The following RAD51B variants were observed in gnomAD, a reference collection of about 807,000 sequenced individuals.
RAD51B encodes DNA repair protein RAD51 homolog 2.
A neutral mutation model predicts 42.2 loss-of-function variants in RAD51B; 38 were observed. The observed-to-expected ratio is 0.90, with a 90% CI of 0.70 to 1.18. The LOEUF (loss-of-function observed/expected upper bound fraction) is 1.18, where lower values mean the gene tolerates loss of function less well. Ranked by LOEUF, RAD51B falls within the 50% of genes most tolerant of loss-of-function variation. RAD51B has a pLI of 0.00. For missense variants in RAD51B, 373 were observed against 400.7 expected (o/e 0.93, Z 0.59); for synonymous variants, 154 against 145.2 (o/e 1.06, Z -0.43).
In RAD51B at chr14:68,264,209, GTT is replaced by G. The variant is rs555203193; in HGVS notation, c.757-27672_757-27671del. ...CTATGGCTGTTAAATTAGCAGGACTGTTTTGACTAGCTGGTACTCAGGGGTAG... is the reference window on the plus strand; with the variant it reads ...CTATGGCTGTTAAATTAGCAGGACTGTTGACTAGCTGGTACTCAGGGGTAG... On this transcript the variant is annotated intron_variant, in intron 7 of 10. Coordinates refer to ENST00000471583, the MANE Select transcript of RAD51B (RefSeq NM_133510.4). 5.7e-4 allele frequency among the ~76,000 whole-genome samples: 87 copies of G among 152,326 alleles called. 4 individuals are homozygous for G. In the South Asian group the frequency reaches 0.017, roughly 30 times the overall value.
intron 7 of RAD51B, among the ~76,000 whole-genome samples, chr14:68,119,664 C>T (rs1415024746): frequency 2.0e-5 from 3 of 150,280 alleles, no homozygotes; most frequent in Non-Finnish European, 3.0e-5. Context: ...TTTTTTATGG[C>T]TGCATAGTAT....
intron 9 of RAD51B, among the ~76,000 whole-genome samples, chr14:68,434,790 G>A (rs138106743): frequency 1.5e-3 from 230 of 152,268 alleles, no homozygotes; most frequent in Middle Eastern, 3.4e-3. Context: ...AGATGAACCC[G>A]GTACCTGAGT....
chr14:68,670,821 A>G (rs1004587753), intron 11 of RAD51B, among the ~76,000 whole-genome samples: 2 of 152,152 alleles, frequency 1.3e-5, no homozygotes, highest in Non-Finnish European at 1.5e-5. Context: ...TTTCAGTACC[A>G]AAGACCCTTT....
intron 7 of RAD51B, among the ~76,000 whole-genome samples, chr14:68,212,260 A>T (rs1056284698): frequency 3.3e-5 from 5 of 152,186 alleles, no homozygotes; most frequent in Non-Finnish European, 7.3e-5. Context: ...ATCTGATTGA[A>T]CTGGGTTTGA....
chr14:68,314,901 A>G (rs558363327), intron 8 of RAD51B, among the ~76,000 whole-genome samples: 193 of 152,334 alleles, frequency 1.3e-3, no homozygotes, highest in Non-Finnish European at 9.8e-4. Context: ...GTGAAACGGC[A>G]GCTAGTGACA....
At chr14:68,262,851 C>T (rs113904462) in intron 7 of RAD51B, among the ~76,000 whole-genome samples, 1 of 152,256 alleles carries the variant, frequency 6.6e-6, no homozygotes, top group Non-Finnish European at 1.5e-5. Flanking sequence ...AATTATATCC[C>T]CTTTTTCCAA....
exon 11 of RAD51B, chr14:68,595,184 CA>C: frequency 9.4e-7 from 1 of 1,064,250 alleles, no homozygotes; most frequent in Non-Finnish European, 1.1e-6. Flanking sequence ...TCTAATGGAG[CA>C]GAACACTTAC....
chr14:67,825,958 GACCT>G (rs1004951851), intron 3 of RAD51B, among the ~76,000 whole-genome samples: 4 of 152,080 alleles, frequency 2.6e-5, no homozygotes, highest in African/African-American at 9.7e-5. Flanking sequence ...TCAAACTTCT[GACCT>G]CAAGTGATCT....
intron 9 of RAD51B, among the ~76,000 whole-genome samples, chr14:68,431,332 G>A (rs2084999389): frequency 6.6e-6 from 1 of 152,190 alleles, no homozygotes; most frequent in African/African-American, 2.4e-5. Context: ...AATGGTACCA[G>A]CTCCTTCTTG....
chr14:67,841,996 G>A (rs1336456196), intron 4 of RAD51B, among the ~76,000 whole-genome samples: 2 of 152,110 alleles, frequency 1.3e-5, no homozygotes, highest in African/African-American at 4.8e-5. Context: ...CATTTTAACG[G>A]TATTGATTCT....
chr14:68,260,318 T>TGTGTGTGTGGAGGGGCGGG (rs1049368684), intron 7 of RAD51B, among the ~76,000 whole-genome samples: 1 of 128,044 alleles, frequency 7.8e-6, no homozygotes, highest in African/African-American at 4.9e-5. Context: ...TGTGTGTGTG[T>TGTGTGTGTGGAGGGGCGGG]GGAGAGGGGA....
At chr14:67,974,418 T>C (rs757869957) in intron 7 of RAD51B, among the ~76,000 whole-genome samples, 1 of 152,124 alleles carries the variant, frequency 6.6e-6, no homozygotes, top group Non-Finnish European at 1.5e-5. Context: ...TATTGATCTA[T>C]GTACTGAGAC....
chr14:68,675,988 A>G (rs760065631), intron 11 of RAD51B, among the ~76,000 whole-genome samples: 5 of 152,176 alleles, frequency 3.3e-5, no homozygotes, highest in Admixed American at 6.5e-5. Flanking sequence ...AAGTCAGAAA[A>G]ATGGAACTAG....
At chr14:68,595,779 A>T (rs949021121) in exon 11 of RAD51B, 2 of 413,178 alleles carry the variant, frequency 4.8e-6, no homozygotes, top group East Asian at 1.2e-4. Flanking sequence ...TGTTCACACC[A>T]TATTATTAAA....
intron 8 of RAD51B, among the ~76,000 whole-genome samples, chr14:68,336,201 G>A (rs562334983): frequency 4.6e-5 from 7 of 152,246 alleles, no homozygotes; most frequent in African/African-American, 1.4e-4. Context: ...TGGAGAACAA[G>A]CTATTAAGGA....
intron 7 of RAD51B, among the ~76,000 whole-genome samples, chr14:68,026,070 A>AT (rs796820633): frequency 6.6e-5 from 10 of 151,986 alleles, no homozygotes; most frequent in East Asian, 1.9e-4. Context: ...CATTATTATC[A>AT]TTTTTTTATT....
rs151178518 is a variant in RAD51B at position 67,853,314 on chromosome 14, C to G, written c.316-11689C>G. Among the ~76,000 whole-genome samples, 21 of 152,336 alleles carry G rather than the reference C, an allele frequency of 1.4e-4. 1 individual carries two copies. In the East Asian group the frequency reaches 4.1e-3, roughly 29 times the overall value. ...CCTTAAGCAGAGAACCTAGCCAACC[C>G]TATCTGGACTTCTGACCTGATTGTC... On this transcript the variant is annotated intron_variant, in intron 4 of 10. Transcript: ENST00000471583.
intron 7 of RAD51B, among the ~76,000 whole-genome samples, chr14:68,235,394 T>C (rs1384387143): frequency 1.3e-5 from 2 of 151,936 alleles, no homozygotes; most frequent in South Asian, 2.1e-4. Flanking sequence ...TCTGTTTTGC[T>C]TTTTTTCCTC....
At chr14:68,340,546 T>C (rs2082551970) in intron 8 of RAD51B, among the ~76,000 whole-genome samples, 1 of 152,268 alleles carries the variant, frequency 6.6e-6, no homozygotes. Flanking sequence ...CACCCATAAC[T>C]GGTCTTGCCA....
Sources: allele counts gnomAD v4.1 joint callset (sites outside exome capture counted in the v4.1 genomes callset), GRCh38; gene constraint gnomAD v4.1.1; transcripts MANE v1.5; gene names NCBI Gene and HGNC (gene_info 2026-07-23, HGNC 2026-07-21).